The following CRISPLD1 variants were observed in gnomAD, a reference collection of about 807,000 sequenced individuals.
The protein encoded by CRISPLD1 is cysteine rich secretory protein LCCL domain containing 1.
In CRISPLD1, 60 loss-of-function variants were observed where a neutral mutation model predicts 77.5. That is an observed-to-expected ratio of 0.77 (90% confidence interval 0.63 to 0.96). The LOEUF is 0.96. Ranked by LOEUF, CRISPLD1 falls within the 40% of genes least tolerant of loss-of-function variation. The pLI is 0.00. For synonymous variants in CRISPLD1, 195 were observed against 200.1 expected (o/e 0.97, Z 0.22); for missense variants, 623 against 615.8 (o/e 1.01, Z -0.12).
rs372306801 is a variant in CRISPLD1, at chr8:74,984,557, A to G, written c.-426A>G. The G allele has an allele frequency of 6.6e-6, 1 of 152,520 alleles. No individual in the cohort carries two copies. The highest frequency in any genetic ancestry group is 1.9e-4 in the East Asian group (1 of 5,188). The allele number at this position is 152,520 out of a possible 1,614,324, so 9.4% of individuals were successfully genotyped here. ...GTACTGGCTGTACGGAGCAGGAGCAAGAGGTCGCCGCCAGCCTCCGCCGCC... is the reference window on the plus strand; with the variant it reads ...GTACTGGCTGTACGGAGCAGGAGCAGGAGGTCGCCGCCAGCCTCCGCCGCC... On this transcript the variant is annotated 5_prime_UTR_variant, in exon 1 of 15. Transcript: ENST00000262207.
At chr8:75,004,189 G>T (rs1812790985) in intron 2 of CRISPLD1, among the ~76,000 whole-genome samples, 1 of 152,054 alleles carries the variant, frequency 6.6e-6, no homozygotes, top group Non-Finnish European at 1.5e-5. Context: ...CTCAGTAGTT[G>T]GCAAAGTCAC....
chr8:75,004,478 A>G (rs1220164715), intron 2 of CRISPLD1, among the ~76,000 whole-genome samples: 3 of 152,172 alleles, frequency 2.0e-5, no homozygotes, highest in Non-Finnish European at 4.4e-5. Flanking sequence ...ATAATGAGTC[A>G]TTATATTTGA....
chr8:74,997,834 A>G (rs1342874435), intron 2 of CRISPLD1, among the ~76,000 whole-genome samples: 1 of 152,222 alleles, frequency 6.6e-6, no homozygotes, highest in Non-Finnish European at 1.5e-5. Context: ...TTTTGTCAAT[A>G]TTGAGGTCAC....
chr8:74,985,315 A>G (rs1267823742), intron 1 of CRISPLD1, among the ~76,000 whole-genome samples: 1 of 152,104 alleles, frequency 6.6e-6, no homozygotes, highest in Admixed American at 6.5e-5. Context: ...ATAGGAAGAG[A>G]CTTACCCCAG....
intron 13 of CRISPLD1, among the ~76,000 whole-genome samples, chr8:75,027,248 T>C (rs1413851553): frequency 6.6e-6 from 1 of 152,236 alleles, no homozygotes; most frequent in Non-Finnish European, 1.5e-5. Flanking sequence ...GACAGGCATG[T>C]TCTGCCTGAA....
intron 10 of CRISPLD1, among the ~76,000 whole-genome samples, chr8:75,017,886 A>G (rs1813063204): frequency 6.6e-6 from 1 of 152,210 alleles, no homozygotes; most frequent in African/African-American, 2.4e-5. Flanking sequence ...TTCTCTAAAT[A>G]TGTATTATGC....
intron 10 of CRISPLD1, among the ~76,000 whole-genome samples, chr8:75,018,654 C>CA (rs201494229): frequency 4.7e-5 from 7 of 148,538 alleles, no homozygotes; most frequent in East Asian, 2.0e-4. Context: ...TCTTTTTAGC[C>CA]AAAAAAAAAA....
At chr8:75,021,482 TCAG>T (rs1304041159) in intron 12 of CRISPLD1, among the ~76,000 whole-genome samples, 10 of 152,194 alleles carry the variant, frequency 6.6e-5, no homozygotes, top group African/African-American at 2.4e-4. Flanking sequence ...TTTGCTGAAA[TCAG>T]CAGATTACCA....
rs147568567 is a variant in CRISPLD1, at chr8:74,986,023, C to T, written c.36C>T (p.Thr12=). 9 of 1,613,954 alleles carry T rather than the reference C, an allele frequency of 5.6e-6. No individual in the cohort carries two copies. In the African/African-American group the frequency reaches 6.7e-5, roughly 12 times the overall value. Residue 12 remains threonine, a synonymous_variant, in exon 2 of 15, where the codon ACC becomes ACT. Coordinates refer to ENST00000262207, the MANE Select transcript of CRISPLD1 (RefSeq NM_031461.6). ...CCGCGCGGGAGTGGCTCAGAGTAAC[C>T]ACAGTGCTGTTCATGGCTAGAGCAA... ...KCTAREWLRV[T]TVLFMARAIP...
intron 2 of CRISPLD1, among the ~76,000 whole-genome samples, chr8:74,990,164 G>A (rs1442789598): frequency 1.3e-5 from 2 of 151,876 alleles, no homozygotes; most frequent in Non-Finnish European, 2.9e-5. Context: ...TGTAATACAT[G>A]TAATTATGTA....
intron 5 of CRISPLD1, 57 bp downstream of exon 5, chr8:75,014,159 C>A: frequency 9.5e-7 from 1 of 1,054,074 alleles, no homozygotes; most frequent in Non-Finnish European, 1.5e-6. Flanking sequence ...AATGAAAATA[C>A]CTTTACGTTC....
intron 2 of CRISPLD1, among the ~76,000 whole-genome samples, chr8:75,009,513 T>G (rs2128784363): frequency 6.6e-6 from 1 of 152,126 alleles, no homozygotes; most frequent in South Asian, 2.1e-4. Context: ...AGCAATTATT[T>G]TTAGACTTCC....
intron 6 of CRISPLD1, among the ~76,000 whole-genome samples, chr8:75,015,276 T>C (rs535112072): frequency 6.6e-6 from 1 of 152,248 alleles, no homozygotes; most frequent in African/African-American, 2.4e-5. Context: ...ACAATTTATT[T>C]TTAGCGCTTT....
At chr8:74,999,525 G>T (rs1175066764) in intron 2 of CRISPLD1, among the ~76,000 whole-genome samples, 1 of 152,138 alleles carries the variant, frequency 6.6e-6, no homozygotes, top group East Asian at 1.9e-4. Flanking sequence ...TGATTCAGTA[G>T]TTTTGGGAAC....
chr8:75,001,802 T>C (rs1449668661), intron 2 of CRISPLD1, among the ~76,000 whole-genome samples: 1 of 152,198 alleles, frequency 6.6e-6, no homozygotes, highest in Non-Finnish European at 1.5e-5. Context: ...GTGTGAATCA[T>C]GGCAGACTTG....
In CRISPLD1 at chr8:75,016,917, A is replaced by G; in HGVS notation, c.905A>G (p.Gln302Arg). 6.4e-7 allele frequency: 1 copy of G among 1,566,868 alleles called. No individual in the cohort carries two copies. Among genetic ancestry groups the G allele is most frequent in the Non-Finnish European group, 8.7e-7 (1 of 1,154,446 alleles). The change falls in exon 8 of 15, where the codon CAG becomes CGG. Residue 302 changes from glutamine (Q) to arginine (R), a missense_variant. Transcript: ENST00000262207. ...IVSCEVRLRD[Q>R]CKGTTCNRYE... Reference sequence around the variant, plus strand: ...TCTTGTGAAGTAAGATTAAGAGATCAGTGCAAAGGAACAACCTGCAATAGG... The same window carrying G: ...TCTTGTGAAGTAAGATTAAGAGATCGGTGCAAAGGAACAACCTGCAATAGG...
In CRISPLD1 at chr8:75,012,897, C is replaced by T; in HGVS notation, c.385C>T (p.Pro129Ser). The change falls in exon 4 of 15, where the codon CCC becomes TCC. Residue 129 changes from proline to serine, a missense_variant. Transcript: ENST00000262207. ...NLGAHWGRYR[P>S]PTFHVQSWYD... ...CTATTTTCTTTCTAATAGATATAGG[C>T]CCCCGACGTTTCATGTACAATCGTG... is the stretch of plus-strand genomic sequence containing the variant. The T allele has an allele frequency of 6.2e-7, 1 of 1,610,786 alleles. No individual in the cohort carries two copies. Among genetic ancestry groups the T allele is most frequent in the Non-Finnish European group, 8.5e-7 (1 of 1,178,200 alleles).
chr8:74,993,483 A>G (rs980327525), intron 2 of CRISPLD1, among the ~76,000 whole-genome samples: 2 of 152,216 alleles, frequency 1.3e-5, no homozygotes, highest in Admixed American at 6.5e-5. Flanking sequence ...TATTACTGAG[A>G]TACAATAAGT....
intron 14 of CRISPLD1, 104 bp from the exon 15 acceptor site, chr8:75,032,087 C>A: frequency 1.4e-6 from 1 of 734,598 alleles, no homozygotes; most frequent in Non-Finnish European, 2.3e-6. Context: ...CATCTGGATT[C>A]ATAGAGCTGC....
Sources: gnomAD v4.1 joint callset for allele counts (sites outside exome capture counted in the v4.1 genomes callset) on GRCh38, gnomAD v4.1.1 for gene constraint, MANE v1.5 for transcripts, NCBI Gene and HGNC (gene_info 2026-07-23, HGNC 2026-07-21) for gene names.